DCC: variants seen among roughly 807,000 people sequenced by gnomAD.
The protein encoded by DCC is netrin receptor DCC.
DCC carries 58 observed loss-of-function variants against 172.5 expected under a neutral mutation model. The ratio of observed to expected loss-of-function variants is 0.34; its 90% CI spans 0.27 to 0.42. The LOEUF (loss-of-function observed/expected upper bound fraction) is 0.42, where lower values mean the gene tolerates loss of function less well. Ranked by LOEUF, DCC falls within the 10% of genes least tolerant of loss-of-function variation. The pLI, the probability that DCC is intolerant of heterozygous loss-of-function variation, is 1.00. For synonymous variants in DCC, 709 were observed against 644.5 expected, an observed-to-expected ratio of 1.10 and a Z score of -1.52; for missense variants, 1,740 against 1,791.0, an observed-to-expected ratio of 0.97 and a Z score of 0.51.
chr18:53,474,121 T>G (rs1483605542), intron 25 of DCC, among the ~76,000 whole-genome samples: 1 of 152,180 alleles, frequency 6.6e-6, no homozygotes, highest in African/African-American at 2.4e-5. Flanking sequence ...AGCAATTCCA[T>G]TCCTAGATAT....
At chr18:52,506,320 T>G (rs531936471) in intron 1 of DCC, among the ~76,000 whole-genome samples, 1 of 152,162 alleles carries the variant, frequency 6.6e-6, no homozygotes, top group African/African-American at 2.4e-5. Context: ...GTGAAGCATA[T>G]GATTTATAAT....
intron 17 of DCC, among the ~76,000 whole-genome samples, chr18:53,394,604 T>A (rs1392976295): frequency 7.9e-5 from 12 of 151,962 alleles, no homozygotes; most frequent in African/African-American, 2.9e-4. Flanking sequence ...AATATGGATG[T>A]TACAGAGGAT....
chr18:53,436,201 A>G (rs1321191472), intron 22 of DCC, among the ~76,000 whole-genome samples: 1 of 152,158 alleles, frequency 6.6e-6, no homozygotes, highest in Non-Finnish European at 1.5e-5. Context: ...AGTTTTACAA[A>G]TTTATAGAAA....
chr18:52,804,600 C>A (rs2038054077), intron 2 of DCC, among the ~76,000 whole-genome samples: 1 of 152,172 alleles, frequency 6.6e-6, no homozygotes, highest in Admixed American at 6.5e-5. Flanking sequence ...CGGAGTCTTG[C>A]TCTGTCACCA....
At chr18:52,366,256 C>T (rs573219339) in intron 1 of DCC, among the ~76,000 whole-genome samples, 3 of 152,216 alleles carry the variant, frequency 2.0e-5, no homozygotes, top group Middle Eastern at 3.4e-3. Flanking sequence ...CGGACCCTCG[C>T]GGTGAGTGTT....
At chr18:53,441,607 C>T (rs1912282013) in intron 22 of DCC, among the ~76,000 whole-genome samples, 1 of 152,162 alleles carries the variant, frequency 6.6e-6, no homozygotes, top group Non-Finnish European at 1.5e-5. Context: ...ATTCTTTCCT[C>T]CCCCATATCC....
At chr18:52,427,812 CT>C (rs1216617256) in intron 1 of DCC, among the ~76,000 whole-genome samples, 3 of 114,152 alleles carry the variant, frequency 2.6e-5, no homozygotes, top group African/African-American at 3.8e-5. Context: ...TCTTTTCTTC[CT>C]TTCTTCCTTC....
chr18:53,499,331 C>A lies in DCC; in HGVS notation c.3932C>A (p.Pro1311His). Residue 1311 changes from proline to histidine, a missense_variant, in exon 27 of 29, where the codon CCT becomes CAT. Around this residue, in one of 2 missense-constraint regions of DCC, gnomAD observed 1,732 missense variants for 1,767.4 expected, o/e 0.98. Coordinates refer to ENST00000442544, the MANE Select transcript of DCC (RefSeq NM_005215.4). ...VSEGPTTQQPPMLPPSQPEHS... is the reference protein window; with the variant it reads ...VSEGPTTQQPHMLPPSQPEHS... ...GAAGGACCAACTACCCAACAACCAC[C>A]TATGCTGCCCCCATCTCAGCCTGAG... 6.2e-7 allele frequency: 1 copy of A among 1,614,084 alleles called. No homozygotes were observed. Among genetic ancestry groups the A allele is most frequent in the South Asian group, 1.1e-5 (1 of 91,078 alleles).
At chr18:52,414,115 T>C (rs1986934393) in intron 1 of DCC, among the ~76,000 whole-genome samples, 1 of 152,150 alleles carries the variant, frequency 6.6e-6, no homozygotes, top group Admixed American at 6.5e-5. Flanking sequence ...AGTTTAGCTC[T>C]TGTTGTCCAG....
At chr18:53,407,594 T>A (rs11874152) in intron 19 of DCC, among the ~76,000 whole-genome samples, 60,906 of 141,070 alleles carry the variant, frequency 0.43, 15,006 homozygotes, top group Non-Finnish European at 0.56. Context: ...GTTCAGTAAC[T>A]TTTACATAGA....
intron 1 of DCC, among the ~76,000 whole-genome samples, chr18:52,488,415 T>TTAGGA (rs1026572930): frequency 2.0e-5 from 3 of 152,024 alleles, no homozygotes; most frequent in African/African-American, 2.4e-5. Context: ...GTGTATACCA[T>TTAGGA]TAGGATAGGA....
chr18:52,773,095 G>A (rs1004099937), intron 2 of DCC, among the ~76,000 whole-genome samples: 2 of 152,116 alleles, frequency 1.3e-5, no homozygotes, highest in African/African-American at 2.4e-5. Context: ...AGAGGCTGCT[G>A]TAACGATTAA....
chr18:52,769,447 C>A (rs8093979), intron 2 of DCC, among the ~76,000 whole-genome samples: 32,015 of 152,112 alleles, frequency 0.21, 4,820 homozygotes, highest in African/African-American at 0.42. Context: ...TGAGTGTTAA[C>A]AATTTTTGTA....
chr18:52,516,907 C>T (rs1416246630), intron 1 of DCC, among the ~76,000 whole-genome samples: 2 of 152,086 alleles, frequency 1.3e-5, no homozygotes, highest in Non-Finnish European at 2.9e-5. Context: ...TTTCCACCTG[C>T]CATTTATTTG....
chr18:52,864,378 C>T (rs1052229184), intron 2 of DCC, among the ~76,000 whole-genome samples: 2 of 152,102 alleles, frequency 1.3e-5, no homozygotes, highest in African/African-American at 2.4e-5. Flanking sequence ...CAGTATTTTA[C>T]AAGGAAACAC....
intron 23 of DCC, among the ~76,000 whole-genome samples, chr18:53,458,391 T>C (rs1460656206): frequency 6.6e-6 from 1 of 152,178 alleles, no homozygotes; most frequent in Non-Finnish European, 1.5e-5. Flanking sequence ...CAATAAAACT[T>C]TATTTACAAA....
intron 12 of DCC, among the ~76,000 whole-genome samples, chr18:53,265,698 G>A (rs369334499): frequency 6.6e-6 from 1 of 152,200 alleles, no homozygotes; most frequent in Non-Finnish European, 1.5e-5. Flanking sequence ...TGCAGGATAG[G>A]ATATGCAGAT....
intron 9 of DCC, among the ~76,000 whole-genome samples, chr18:53,196,911 T>C (rs1439709455): frequency 6.6e-6 from 1 of 152,088 alleles, no homozygotes; most frequent in Non-Finnish European, 1.5e-5. Flanking sequence ...CAAATTACTG[T>C]CTTATCTCCT....
intron 12 of DCC, among the ~76,000 whole-genome samples, chr18:53,287,118 A>G (rs1012721228): frequency 3.9e-5 from 6 of 152,282 alleles, no homozygotes; most frequent in African/African-American, 1.4e-4. Flanking sequence ...GAAATTCTCT[A>G]GCATTCACCT....
Sources: gnomAD v4.1 joint callset for allele counts (sites outside exome capture counted in the v4.1 genomes callset) on GRCh38, gnomAD v4.1.1 for gene constraint, gnomAD v4.1.1 regional missense constraint, MANE v1.5 for transcripts, NCBI Gene and HGNC (gene_info 2026-07-23, HGNC 2026-07-21) for gene names.